The following SEMA6D variants were observed in gnomAD, a reference collection of about 807,000 sequenced individuals.
The protein encoded by SEMA6D is semaphorin-6D.
A neutral mutation model predicts 106.6 loss-of-function variants in SEMA6D; 35 were observed. The ratio of observed to expected loss-of-function variants is 0.33; its 90% confidence interval spans 0.25 to 0.44. The LOEUF is 0.44. SEMA6D is among the 20% of genes least tolerant of loss of function. The pLI is 1.00. For missense variants in SEMA6D, 1,185 were observed against 1,345.9 expected (o/e 0.88, Z 1.87); for synonymous variants, 499 against 487.7 (o/e 1.02, Z -0.31).
intron 4 of SEMA6D, among the ~76,000 whole-genome samples, chr15:47,649,245 A>C (rs1445688493): frequency 1.3e-5 from 2 of 152,176 alleles, no homozygotes; most frequent in Non-Finnish European, 2.9e-5. Flanking sequence ...AGATAGACAG[A>C]TGGAAGAGAC....
chr15:47,227,882 C>CATATATATTTTATATATATAAGAATATT (rs2031856370), intron 1 of SEMA6D, among the ~76,000 whole-genome samples: 3 of 100,170 alleles, frequency 3.0e-5, no homozygotes, highest in Non-Finnish European at 3.9e-5. Context: ...ATATAAGAAT[C>CATATATATTTTATATATATAAGAATATT]ATATATATTT....
chr15:47,341,471 C>T lies in SEMA6D; in HGVS notation c.-238-70922C>T, dbSNP rs551734268. Among the ~76,000 whole-genome samples the T allele has an allele frequency of 2.6e-5, 4 of 152,216 alleles. No homozygotes were observed. The South Asian group carries it at 8.3e-4, about 32-fold the overall frequency. On this transcript the variant is annotated intron_variant, in intron 1 of 19. Coordinates refer to the SEMA6D transcript ENST00000558014. ...TTCTGTATGTTGGAAGTAACACTTG[C>T]TTAGAAGACAAAGGTCTGTTTTCAC...
rs758537359 is a variant in SEMA6D, at chr15:47,771,781, A to T, written c.3218A>T (p.Tyr1073Phe). The T allele has an allele frequency of 6.2e-7, 1 of 1,611,570 alleles. No individual in the cohort carries two copies. Reference sequence around the variant, plus strand: ...GTCAGACCACTGAACAAATACACATACTAGGCCTCAAGTGTGCTATTCCCA... The same window carrying T: ...GTCAGACCACTGAACAAATACACATTCTAGGCCTCAAGTGTGCTATTCCCA... ...PSVRPLNKYT[Y>F] Residue 1073 changes from tyrosine (Y) to phenylalanine (F), a missense_variant, in exon 19 of 19, where the codon TAC becomes TTC. By Grantham distance (22) the Tyr-to-Phe change is conservative. Transcript: ENST00000536845.
At position 47,499,372 on chromosome 15, in the gene SEMA6D, T is replaced by A. The variant is rs538883037; in HGVS notation, c.-87+28827T>A. ...CATTCTCTGCATAACTTCCATGGCT[T>A]ACCCGCAAAGCCAGATGAGACCAGC... On this transcript the variant is annotated intron_variant, in intron 3 of 19. Coordinates refer to the SEMA6D transcript ENST00000558014. Among the ~76,000 whole-genome samples, 24 of 152,222 alleles carry A rather than the reference T, an allele frequency of 1.6e-4. No homozygotes were observed. The South Asian group carries it at 5.0e-3, about 32-fold the overall frequency.
intron 1 of SEMA6D, among the ~76,000 whole-genome samples, chr15:47,356,792 T>C (rs1366789325): frequency 6.6e-6 from 1 of 152,170 alleles, no homozygotes; most frequent in African/African-American, 2.4e-5. Flanking sequence ...CCATCCACCA[T>C]TTCATCCATC....
At chr15:47,693,616 T>C (rs1490961710) in intron 4 of SEMA6D, among the ~76,000 whole-genome samples, 5 of 152,128 alleles carry the variant, frequency 3.3e-5, no homozygotes, top group Non-Finnish European at 2.9e-5. Flanking sequence ...TTTCAAATGC[T>C]TGGGGACCCC....
chr15:47,690,353 GA>G (rs1175798352), intron 4 of SEMA6D, among the ~76,000 whole-genome samples: 26 of 151,550 alleles, frequency 1.7e-4, no homozygotes, highest in African/African-American at 3.1e-4. Context: ...ATGATAGATG[GA>G]AAAAAAACGC....
At chr15:47,362,356 A>G (rs765245499) in intron 1 of SEMA6D, among the ~76,000 whole-genome samples, 21 of 152,194 alleles carry the variant, frequency 1.4e-4, no homozygotes, top group Non-Finnish European at 2.8e-4. Flanking sequence ...TCCTGATTCC[A>G]TAGCAAGAAT....
At chr15:47,763,780 A>G in intron 9 of SEMA6D, 70 bp from the exon 10 acceptor site, 1 of 1,340,786 alleles carries the variant, frequency 7.5e-7, no homozygotes. Flanking sequence ...CCTCCCTTAA[A>G]CAGTATCATT....
intron 1 of SEMA6D, among the ~76,000 whole-genome samples, chr15:47,393,830 T>C (rs931905249): frequency 6.6e-6 from 1 of 152,240 alleles, no homozygotes; most frequent in South Asian, 2.1e-4. Flanking sequence ...GTCATTGTTA[T>C]TCATAGCTTC....
intron 7 of SEMA6D, 49 bp from the exon 8 acceptor site, chr15:47,762,151 C>G: frequency 3.7e-6 from 6 of 1,611,010 alleles, no homozygotes; most frequent in Non-Finnish European, 5.1e-6. Context: ...AGCTAACACA[C>G]TGCAGGATAA....
rs999451050 is a variant in SEMA6D at position 47,490,110 on chromosome 15, T to C, written c.-87+19565T>C. 2.0e-5 allele frequency among the ~76,000 whole-genome samples: 3 copies of C among 152,218 alleles called. No homozygotes were observed. The South Asian group carries it at 6.2e-4, about 32-fold the overall frequency. On this transcript the variant is annotated intron_variant, in intron 3 of 19. Transcript: ENST00000558014. ...ACATTTTTTGCTGTCTGTGTCACAG[T>C]AGATATCATACTATTTTGTAATCAC...
At chr15:47,267,847 T>G (rs573219719) in intron 1 of SEMA6D, among the ~76,000 whole-genome samples, 10 of 152,206 alleles carry the variant, frequency 6.6e-5, no homozygotes, top group Non-Finnish European at 1.5e-4. Context: ...AGGTGGATTA[T>G]TTGACTGCTT....
intron 3 of SEMA6D, among the ~76,000 whole-genome samples, chr15:47,552,525 TACACACAC>T (rs144968308): frequency 1.9e-3 from 246 of 130,130 alleles, no homozygotes; most frequent in East Asian, 8.8e-3. Context: ...TATATATGTA[TACACACAC>T]ACACACACAC....
intron 3 of SEMA6D, among the ~76,000 whole-genome samples, chr15:47,582,430 A>G (rs1466389861): frequency 6.6e-6 from 1 of 152,208 alleles, no homozygotes; most frequent in African/African-American, 2.4e-5. Context: ...ATTTAACTTG[A>G]CAATAGGCTA....
At chr15:47,554,960 C>T (rs1370425218) in intron 3 of SEMA6D, among the ~76,000 whole-genome samples, 10 of 152,152 alleles carry the variant, frequency 6.6e-5, no homozygotes, top group African/African-American at 1.2e-4. Flanking sequence ...ACATGATTTT[C>T]GCTCTGATTG....
At position 47,735,757 on chromosome 15, in the gene SEMA6D, G is replaced by A. The variant is rs76960244; in HGVS notation, c.-55+18065G>A. Among the ~76,000 whole-genome samples the A allele has an allele frequency of 4.8e-3, 736 of 152,212 alleles. 6 individuals carry two copies. The highest frequency in any genetic ancestry group is 8.3e-3 in the Non-Finnish European group (566 of 68,012). ...CTCTCCACTTCACAAGCCTGCCGTC[G>A]GCCTGAAGAGATGGGGAGCTTTTCC... is the stretch of plus-strand genomic sequence containing the variant. On this transcript the variant is annotated intron_variant, in intron 1 of 18. Coordinates refer to ENST00000536845, the MANE Select transcript of SEMA6D (RefSeq NM_001358351.3).
chr15:47,325,656 A>T (rs1203649392), intron 1 of SEMA6D, among the ~76,000 whole-genome samples: 3 of 152,132 alleles, frequency 2.0e-5, no homozygotes, highest in Non-Finnish European at 4.4e-5. Context: ...CCACCAATAC[A>T]TTCCTTATTG....
intron 1 of SEMA6D, among the ~76,000 whole-genome samples, chr15:47,240,773 A>G (rs1459574547): frequency 6.6e-6 from 1 of 152,182 alleles, no homozygotes; most frequent in African/African-American, 2.4e-5. Context: ...CAAAAATTCA[A>G]ATTCATTGAT....
Sources: allele counts gnomAD v4.1 joint callset (sites outside exome capture counted in the v4.1 genomes callset), GRCh38; gene constraint gnomAD v4.1.1; transcripts MANE v1.5; gene names NCBI Gene and HGNC (gene_info 2026-07-23, HGNC 2026-07-21).